The following SLC28A2 variants were observed in gnomAD, a reference collection of about 807,000 sequenced individuals.
SLC28A2 encodes sodium/nucleoside cotransporter 2.
Under a neutral mutation model 72.9 loss-of-function variants are expected in SLC28A2, and 69 were observed. The ratio of observed to expected loss-of-function variants is 0.95; its 90% CI spans 0.78 to 1.16. The LOEUF (loss-of-function observed/expected upper bound fraction) is 1.16, where lower values mean the gene tolerates loss of function less well. Among genes scored for constraint, SLC28A2 ranks in the 50% most tolerant of loss-of-function variants. The probability of loss-of-function intolerance (pLI) is 0.00; values close to 1 mark genes in which losing one functional copy is unlikely to be tolerated. For synonymous variants in SLC28A2, 296 were observed against 294.1 expected, an observed-to-expected ratio of 1.01 and a Z score of -0.07; for missense variants, 745 against 791.1, an observed-to-expected ratio of 0.94 and a Z score of 0.70.
At chr15:45,268,111 A>G in intron 12 of SLC28A2, 99 bp from the exon 13 acceptor site, 1 of 1,219,294 alleles carries the variant, frequency 8.2e-7, no homozygotes, top group Non-Finnish European at 1.2e-6. Flanking sequence ...TTGGCCTTGC[A>G]CCCTCCTCCT....
At chr15:45,272,264 A>C (rs775544549) in intron 15 of SLC28A2, 31 bp from the exon 16 acceptor site, 2 of 1,588,114 alleles carry the variant, frequency 1.3e-6, no homozygotes, top group African/African-American at 2.7e-5. Flanking sequence ...GGTGGGGAAA[A>C]GCTGAAGTTA....
chr15:45,253,192 T>C lies in SLC28A2; in HGVS notation c.-16-8T>C, dbSNP rs781307293. The C allele has an allele frequency of 1.9e-6, 3 of 1,589,212 alleles. No individual in the cohort carries two copies. Among genetic ancestry groups the C allele is most frequent in the South Asian group, 2.2e-5 (2 of 89,894 alleles). Reference sequence around the variant, plus strand: ...TCTTTCAGGCTTGGCCCTGAATTTGTTTTTCAGTTGAGGAGAACAGGAGAT... The same window carrying C: ...TCTTTCAGGCTTGGCCCTGAATTTGCTTTTCAGTTGAGGAGAACAGGAGAT... On this transcript the variant is annotated splice_polypyrimidine_tract_variant and splice_region_variant and intron_variant, in intron 1 of 17. Transcript: ENST00000347644.
intron 3 of SLC28A2, chr15:45,255,248 C>T (rs1437762413): frequency 5.5e-5 from 5 of 91,670 alleles, no homozygotes; most frequent in East Asian, 4.0e-4. Flanking sequence ...AGAGTGAGAC[C>T]GTCTTGAAAA....
At chr15:45,264,993 A>C (rs1302329508) in intron 7 of SLC28A2, 96 bp from the exon 8 acceptor site, 10 of 980,238 alleles carry the variant, frequency 1.0e-5, no homozygotes, top group Non-Finnish European at 1.6e-5. Flanking sequence ...CAGTAGCAAC[A>C]GTAGGTCCTC....
chr15:45,260,884 G>T (rs1900141138), intron 3 of SLC28A2, among the ~76,000 whole-genome samples: 1 of 152,182 alleles, frequency 6.6e-6, no homozygotes, highest in African/African-American at 2.4e-5. Flanking sequence ...CAGCTTACCT[G>T]TATCTCATAG....
intron 5 of SLC28A2, among the ~76,000 whole-genome samples, chr15:45,263,494 G>A (rs1421728029): frequency 6.6e-6 from 1 of 152,174 alleles, no homozygotes; most frequent in Admixed American, 6.5e-5. Context: ...ATTGTCATCA[G>A]AGCCAGTGTC....
At chr15:45,263,280 T>A in intron 5 of SLC28A2, 36 bp downstream of exon 5, 1 of 1,596,716 alleles carries the variant, frequency 6.3e-7, no homozygotes, top group South Asian at 1.1e-5. Context: ...CCTCACAGCT[T>A]ATCCCAGCCC....
chr15:45,268,188 G>A, intron 12 of SLC28A2, 22 bp from the exon 13 acceptor site: 1 of 1,587,196 alleles, frequency 6.3e-7, no homozygotes, highest in East Asian at 2.3e-5. Flanking sequence ...CCCTACTCTT[G>A]CCCTCTGCCC....
Position 45,276,544 on chromosome 15 carries a change from T to C in SLC28A2, c.*1031T>C, listed in dbSNP as rs1044383424. 3 of 136,104 alleles carry C rather than the reference T, an allele frequency of 2.2e-5. No homozygotes were observed. Among genetic ancestry groups the C allele is most frequent in the African/African-American group, 8.0e-5 (3 of 37,556 alleles). The allele number at this position is 136,104 out of a possible 1,614,324, so 8.4% of individuals were successfully genotyped here. A position where few individuals can be genotyped will look rare whatever the true frequency, so the allele number is the denominator to read the frequency against. On this transcript the variant is annotated 3_prime_UTR_variant, in exon 18 of 18. Transcript: ENST00000347644. The stretch of plus-strand genomic sequence containing the variant: ...AGCACCCACCAAAAAATAAAATAAA[T>C]AAAATAAATAAATAAAAGAAAAAAT...
intron 10 of SLC28A2, among the ~76,000 whole-genome samples, chr15:45,266,498 CCT>C (rs1456849155): frequency 6.6e-6 from 1 of 152,142 alleles, no homozygotes; most frequent in Non-Finnish European, 1.5e-5. Context: ...CTGGTTTCTC[CCT>C]GTGACTCCCT....
At position 45,267,711 on chromosome 15, in the gene SLC28A2, T is replaced by A; in HGVS notation, c.1114T>A (p.Cys372Ser). The change falls in exon 12 of 18, where the codon TGT (cysteine) becomes AGT (serine). Residue 372 changes from cysteine (C) to serine (S), a missense_variant. Transcript: ENST00000347644. The stretch of plus-strand genomic sequence containing the variant: ...TTCTGCCTCTGTGATGGCCGCCCCT[T>A]GTGCTCTCGCCTCATCAAAGCTAGC... ...LISASVMAAP[C>S]ALASSKLAYP... 2 of 1,614,106 alleles carry A rather than the reference T, an allele frequency of 1.2e-6. No homozygotes were observed. The highest frequency in any genetic ancestry group is 2.2e-5 in the East Asian group (1 of 44,854).
At chr15:45,269,073 C>T (rs1436330174) in intron 13 of SLC28A2, among the ~76,000 whole-genome samples, 2 of 150,552 alleles carry the variant, frequency 1.3e-5, no homozygotes, top group Non-Finnish European at 3.0e-5. Context: ...TGCTAAATGA[C>T]GAGTTGATGG....
In SLC28A2 at chr15:45,269,321, A is replaced by C. The variant is rs888694423; in HGVS notation, c.1369-17A>C. On this transcript the variant is annotated splice_polypyrimidine_tract_variant and intron_variant, in intron 13 of 17. Coordinates refer to ENST00000347644, the MANE Select transcript of SLC28A2 (RefSeq NM_004212.4). The stretch of plus-strand genomic sequence containing the variant: ...TATTAGTCCTTCCTTTTCCTGTGAT[A>C]TCTCTCTTTCACTCAGGTCATCTGC... The C allele has an allele frequency of 1.9e-5, 30 of 1,608,252 alleles. No individual in the cohort carries two copies. In the Admixed American group the frequency reaches 4.2e-4, roughly 22 times the overall value.
Position 45,275,306 on chromosome 15 carries a change from G to A in SLC28A2, c.1860-90G>A, listed in dbSNP as rs976597304. 1.5e-5 allele frequency: 11 copies of A among 755,078 alleles called. No homozygotes were observed. In the African/African-American group the frequency reaches 1.9e-4, roughly 13 times the overall value. The allele number at this position is 755,078 out of a possible 1,614,324, so 46.8% of individuals were successfully genotyped here. ...GGTCAATTTACAGGTTTTTGTTTTTGTTTTCAGCTGCTTAGTATAACTTAT... is the reference window on the plus strand; with the variant it reads ...GGTCAATTTACAGGTTTTTGTTTTTATTTTCAGCTGCTTAGTATAACTTAT... On this transcript the variant is annotated intron_variant, in intron 17 of 17. Coordinates refer to ENST00000347644, the MANE Select transcript of SLC28A2 (RefSeq NM_004212.4).
intron 9 of SLC28A2, 101 bp from the exon 10 acceptor site, chr15:45,265,980 C>T: frequency 1.1e-6 from 1 of 869,972 alleles, no homozygotes; most frequent in South Asian, 1.5e-5. Context: ...CTTCTCTAGG[C>T]CTCAGTTTCC....
intron 3 of SLC28A2, among the ~76,000 whole-genome samples, chr15:45,254,225 C>G (rs887308515): frequency 8.7e-6 from 1 of 115,598 alleles, no homozygotes; most frequent in Non-Finnish European, 2.3e-5. Context: ...AAGTCATACA[C>G]TAAAAGCTGA....
At chr15:45,266,299 A>T in intron 10 of SLC28A2, 138 bp downstream of exon 10, 2 of 671,564 alleles carry the variant, frequency 3.0e-6, no homozygotes, top group South Asian at 3.5e-5. Flanking sequence ...GAGATAACTC[A>T]GCAGCTCAAA....
Position 45,265,080 on chromosome 15 carries a change from T to A in SLC28A2, c.703-9T>A, listed in dbSNP as rs1567059499. The A allele has an allele frequency of 1.2e-6, 2 of 1,602,864 alleles. No individual in the cohort carries two copies. On this transcript the variant is annotated splice_polypyrimidine_tract_variant and intron_variant, in intron 7 of 17. Transcript: ENST00000347644. ...CTTATTCTCTGTCTTTTTCTTTTTTTCCCTTCAGATTTTCCTGAACTACAC... is the reference window on the plus strand; with the variant it reads ...CTTATTCTCTGTCTTTTTCTTTTTTACCCTTCAGATTTTCCTGAACTACAC...
chr15:45,271,956 C>T (rs945864196), intron 15 of SLC28A2: 2 of 227,770 alleles, frequency 8.8e-6, no homozygotes, highest in Non-Finnish European at 1.7e-5. Flanking sequence ...CTTAAGAGTG[C>T]GTATCTCAAG....
Sources: allele counts gnomAD v4.1 joint callset (sites outside exome capture counted in the v4.1 genomes callset), GRCh38; gene constraint gnomAD v4.1.1; transcripts MANE v1.5; gene names NCBI Gene and HGNC (gene_info 2026-07-23, HGNC 2026-07-21).